Variants in RPH3AL observed in about 807,000 individuals in gnomAD.
The protein encoded by RPH3AL is rabphilin 3A like (without C2 domains).
RPH3AL carries 38 observed loss-of-function variants against 43.1 expected under a neutral mutation model. The observed-to-expected ratio is 0.88, with a 90% confidence interval of 0.68 to 1.15. The LOEUF is 1.15. Ranked by LOEUF, RPH3AL falls within the 50% of genes most tolerant of loss-of-function variation. The pLI is 0.00. For missense variants in RPH3AL, 462 were observed against 423.2 expected (o/e 1.09, Z -0.81); for synonymous variants, 189 against 176.3 (o/e 1.07, Z -0.57).
intron 1 of RPH3AL, among the ~76,000 whole-genome samples, chr17:344,947 C>T (rs1368125637): frequency 7.4e-6 from 1 of 135,802 alleles, no homozygotes; most frequent in African/African-American, 2.5e-5. Flanking sequence ...GGAAAGGCCA[C>T]CTGGCCTTGC....
intron 5 of RPH3AL, among the ~76,000 whole-genome samples, chr17:314,562 CCACCTCCACTGACAGGCAGTCTCTGTGCT>C (rs2043812523): frequency 2.0e-5 from 3 of 146,670 alleles, no homozygotes; most frequent in Admixed American, 6.8e-5. Flanking sequence ...TCTCTGTGCC[CCACCTCCACTGACAGGCAGTCTCTGTGCT>C]CCACCTCCAC....
chr17:243,590 T>C lies in RPH3AL; in HGVS notation c.613+3521A>G, dbSNP rs112661798. Among the ~76,000 whole-genome samples the C allele has an allele frequency of 2.4e-4, 34 of 139,046 alleles. 1 individual carries two copies. Among genetic ancestry groups the C allele is most frequent in the East Asian group, 4.2e-4 (2 of 4,734 alleles). 91.2% of individuals were successfully genotyped at this position (139,046 alleles called of 152,430 possible). ...TCCTCTACTGATTACCCTTCCTCTATTGATTACCCTTCCTCTATTGATTAC... is the reference window on the plus strand; with the variant it reads ...TCCTCTACTGATTACCCTTCCTCTACTGATTACCCTTCCTCTATTGATTAC... On this transcript the variant is annotated intron_variant, in intron 7 of 9. Coordinates refer to ENST00000331302, the MANE Select transcript of RPH3AL (RefSeq NM_006987.4).
intron 7 of RPH3AL, among the ~76,000 whole-genome samples, chr17:227,104 G>A (rs921925392): frequency 6.6e-6 from 1 of 152,156 alleles, no homozygotes; most frequent in African/African-American, 2.4e-5. Context: ...CCCCTCCACA[G>A]GGGCCTGAGC....
intron 6 of RPH3AL, among the ~76,000 whole-genome samples, chr17:270,269 G>A (rs2042430601): frequency 6.6e-6 from 1 of 152,216 alleles, no homozygotes; most frequent in African/African-American, 2.4e-5. Context: ...AATCCAAACT[G>A]CAAGTAACAG....
rs1285229206 is a variant in RPH3AL, at chr17:283,355, C to G, written c.352-1501G>C. On this transcript the variant is annotated intron_variant, in intron 5 of 9. Coordinates refer to ENST00000331302, the MANE Select transcript of RPH3AL (RefSeq NM_006987.4). The surrounding 1 kb of genome is among the most constrained non-coding windows in gnomAD (Gnocchi z 4.2). ...GCTCAGTGCCCCTGGGGTGGGGGAG[C>G]AAACTCACGGGGGACGGAAGCTATG... Among the ~76,000 whole-genome samples, 2 of 152,150 alleles carry G rather than the reference C, an allele frequency of 1.3e-5. No homozygotes were observed. Among genetic ancestry groups the G allele is most frequent in the Non-Finnish European group, 2.9e-5 (2 of 68,010 alleles).
At chr17:219,192 CTTTTTTTTTTTTTT>C (rs796389217) in intron 8 of RPH3AL, among the ~76,000 whole-genome samples, 10 of 58,018 alleles carry the variant, frequency 1.7e-4, no homozygotes, top group African/African-American at 7.8e-4. Flanking sequence ...ATAAACAGCA[CTTTTTTTTTTTTTT>C]TTTTTTTTTT....
chr17:243,923 T>C (rs1555538412), intron 7 of RPH3AL, among the ~76,000 whole-genome samples: 1 of 141,504 alleles, frequency 7.1e-6, no homozygotes, highest in African/African-American at 2.5e-5. Flanking sequence ...TTGATTACCT[T>C]CCTCTACTGA....
At chr17:297,931 C>T (rs138317481) in intron 5 of RPH3AL, among the ~76,000 whole-genome samples, 1 of 152,258 alleles carries the variant, frequency 6.6e-6, no homozygotes, top group Non-Finnish European at 1.5e-5. Context: ...AAGAAAATGA[C>T]ACACGGACGA....
At chr17:307,640 G>A (rs776395328) in intron 5 of RPH3AL, among the ~76,000 whole-genome samples, 44 of 152,164 alleles carry the variant, frequency 2.9e-4, no homozygotes, top group African/African-American at 7.0e-4. Flanking sequence ...GCAAAGCTCC[G>A]TCCAGAAAGC....
rs2045198298 is a variant in RPH3AL at position 344,437 on chromosome 17, C to T, written c.-213+8275G>A. Among the ~76,000 whole-genome samples, 2 of 130,546 alleles carry T rather than the reference C, an allele frequency of 1.5e-5. 1 individual carries two copies. The highest frequency in any genetic ancestry group is 3.4e-5 in the Non-Finnish European group (2 of 58,118). 85.6% of individuals were successfully genotyped at this position (130,546 alleles called of 152,430 possible). A position where few individuals can be genotyped will look rare whatever the true frequency, so the allele number is the denominator to read the frequency against. ...CCCACATCATCATCACCATCACCAC[C>T]ATCAGACATCATCACCACTATCATG... On this transcript the variant is annotated intron_variant, in intron 1 of 9. Transcript: ENST00000331302.
At position 225,998 on chromosome 17, in the gene RPH3AL, A is replaced by G. The variant is rs985768302; in HGVS notation, c.614-6262T>C. Among the ~76,000 whole-genome samples the G allele has an allele frequency of 6.6e-6, 1 of 152,234 alleles. No individual in the cohort carries two copies. Among genetic ancestry groups the G allele is most frequent in the African/African-American group, 2.4e-5 (1 of 41,464 alleles). On this transcript the variant is annotated intron_variant, in intron 7 of 9. Transcript: ENST00000331302. This position sits in a 1 kb window ranked among gnomAD's most constrained non-coding sequence, Gnocchi z 4.4. ...GGGAGCAGGCGAAAACGGCAAGACA[A>G]CCGTGAACCATGCCGTGCCATGTCG...
intron 5 of RPH3AL, among the ~76,000 whole-genome samples, chr17:297,759 C>T (rs1337146208): frequency 6.6e-6 from 1 of 152,212 alleles, no homozygotes; most frequent in East Asian, 1.9e-4. Flanking sequence ...GGTCCTCTCT[C>T]CACCATCCCC....
Position 215,504 on chromosome 17 carries a change from C to A in RPH3AL, c.876+150G>T. ...TGTTCCTTGCAGGCAGGGATGGGGTCTGGCTCACCTTGTTCCCCCGCACAG... is the reference window on the plus strand; with the variant it reads ...TGTTCCTTGCAGGCAGGGATGGGGTATGGCTCACCTTGTTCCCCCGCACAG... On this transcript the variant is annotated intron_variant, in intron 9 of 9. Transcript: ENST00000331302. The surrounding 1 kb of genome is among the most constrained non-coding windows in gnomAD (Gnocchi z 4.1). The A allele has an allele frequency of 5.8e-6, 4 of 688,758 alleles. No individual in the cohort carries two copies. The South Asian group carries it at 3.0e-4, about 52-fold the overall frequency. 42.7% of individuals were successfully genotyped at this position (688,758 alleles called of 1,614,324 possible).
chr17:225,407 T>C lies in RPH3AL; in HGVS notation c.614-5671A>G, dbSNP rs991646285. On this transcript the variant is annotated intron_variant, in intron 7 of 9. Transcript: ENST00000331302. The surrounding 1 kb of genome is among the most constrained non-coding windows in gnomAD (Gnocchi z 4.4). ...ATGAATCCACCAAGACTGGACCTCA[T>C]GGGTGTCAGTTTTATAAGCATTTCT... Among the ~76,000 whole-genome samples the C allele has an allele frequency of 2.6e-5, 4 of 151,980 alleles. No homozygotes were observed. The highest frequency in any genetic ancestry group is 7.3e-5 in the African/African-American group (3 of 41,372).
intron 8 of RPH3AL, among the ~76,000 whole-genome samples, chr17:217,038 G>C (rs1431503702): frequency 6.7e-6 from 1 of 150,056 alleles, no homozygotes; most frequent in East Asian, 2.0e-4. Flanking sequence ...GCTGAAATCA[G>C]GACCCCCAAG....
rs966808633 is a variant in RPH3AL, at chr17:322,242, CCTT to C, written c.78-830_78-828del. The stretch of plus-strand genomic sequence containing the variant: ...ATGGGGCGGGGGAAGGACTCAAACT[CCTT>C]CTATTTTTCTGGACAGGGAGAGAGT... On this transcript the variant is annotated intron_variant, in intron 3 of 9. Transcript: ENST00000331302. The surrounding 1 kb of genome is among the most constrained non-coding windows in gnomAD (Gnocchi z 4.0). The C allele has an allele frequency of 2.6e-5, 4 of 152,226 alleles. No individual in the cohort carries two copies. The highest frequency in any genetic ancestry group is 9.7e-5 in the African/African-American group (4 of 41,422). The allele number at this position is 152,226 out of a possible 1,614,324, so 9.4% of individuals were successfully genotyped here.
chr17:270,112 C>T (rs1315061027), intron 6 of RPH3AL, among the ~76,000 whole-genome samples: 1 of 152,124 alleles, frequency 6.6e-6, no homozygotes, highest in African/African-American at 2.4e-5. Context: ...CCGGGTCCCC[C>T]AGGGATGCCG....
chr17:253,917 C>T (rs76735448), intron 6 of RPH3AL, among the ~76,000 whole-genome samples: 39 of 17,082 alleles, frequency 2.3e-3, no homozygotes, highest in Non-Finnish European at 2.8e-3. Context: ...AGCCGCACGG[C>T]GTCTGTCCTT....
intron 6 of RPH3AL, among the ~76,000 whole-genome samples, chr17:249,027 G>A (rs969814728): frequency 6.6e-6 from 1 of 152,114 alleles, no homozygotes; most frequent in African/African-American, 2.4e-5. Flanking sequence ...TCTCCAACAG[G>A]AACAGAAAGG....
Sources: gnomAD v4.1 joint callset for allele counts (sites outside exome capture counted in the v4.1 genomes callset) on GRCh38, gnomAD v4.1.1 for gene constraint, Gnocchi (gnomAD v3.1) non-coding constraint, MANE v1.5 for transcripts, NCBI Gene and HGNC (gene_info 2026-07-23, HGNC 2026-07-21) for gene names.